The following FBXW7 variants were observed in gnomAD, a reference collection of about 807,000 sequenced individuals.
FBXW7 encodes the protein F-box/WD repeat-containing protein 7.
FBXW7 carries 11 observed loss-of-function variants against 86.3 expected under a neutral mutation model. The ratio of observed to expected loss-of-function variants is 0.13; its 90% CI spans 0.08 to 0.21. The LOEUF is 0.21. Among genes scored for constraint, FBXW7 ranks in the 10% least tolerant of loss-of-function variants. FBXW7 has a pLI of 1.00. For synonymous variants in FBXW7, 313 were observed against 297.9 expected (o/e 1.05, Z -0.52); for missense variants, 488 against 847.4 (o/e 0.58, Z 5.27).
At chr4:152,350,244 A>T (rs1258470481) in intron 4 of FBXW7, 120 bp from the exon 5 acceptor site, 5 of 480,090 alleles carry the variant, frequency 1.0e-5, no homozygotes, top group Non-Finnish European at 1.9e-5. Flanking sequence ...TTAATTAAAT[A>T]TATAAAATAA....
intron 6 of FBXW7, among the ~76,000 whole-genome samples, chr4:152,340,873 T>C (rs1271324797): frequency 6.6e-6 from 1 of 152,184 alleles, no homozygotes; most frequent in Non-Finnish European, 1.5e-5. Flanking sequence ...TTCCACAGTC[T>C]TCCTCATTTC....
chr4:152,461,116 C>T (rs756464094), intron 2 of FBXW7, among the ~76,000 whole-genome samples: 24 of 152,058 alleles, frequency 1.6e-4, no homozygotes, highest in Non-Finnish European at 4.4e-5. Context: ...GAGACCCTGT[C>T]TCTACTAAAA....
chr4:152,482,844 T>A (rs1311890796), intron 2 of FBXW7, among the ~76,000 whole-genome samples: 1 of 152,154 alleles, frequency 6.6e-6, no homozygotes. Context: ...ATTAATAGGT[T>A]AACTTAAAAG....
At chr4:152,381,314 A>C (rs1382659263) in intron 4 of FBXW7, among the ~76,000 whole-genome samples, 6 of 152,254 alleles carry the variant, frequency 3.9e-5, no homozygotes, top group African/African-American at 1.4e-4. Context: ...CAATACAATT[A>C]TGTGTCAATT....
At chr4:152,405,623 C>T (rs981443851) in intron 4 of FBXW7, among the ~76,000 whole-genome samples, 6 of 152,240 alleles carry the variant, frequency 3.9e-5, no homozygotes, top group Admixed American at 3.3e-4. Flanking sequence ...AAGGACGTGG[C>T]GTTATAGCCT....
At chr4:152,446,941 G>A (rs571605293) in intron 2 of FBXW7, among the ~76,000 whole-genome samples, 1 of 151,992 alleles carries the variant, frequency 6.6e-6, no homozygotes, top group African/African-American at 2.4e-5. Flanking sequence ...TTTTTTTCTT[G>A]GAAGTCAAGA....
intron 7 of FBXW7, among the ~76,000 whole-genome samples, chr4:152,334,391 G>A (rs190758854): frequency 6.6e-6 from 1 of 152,266 alleles, no homozygotes; most frequent in African/African-American, 2.4e-5. Flanking sequence ...CTTTGTGTCA[G>A]TATAGCAGTA....
At chr4:152,489,108 AAC>A (rs1304449205) in intron 2 of FBXW7, among the ~76,000 whole-genome samples, 3 of 152,120 alleles carry the variant, frequency 2.0e-5, no homozygotes, top group Non-Finnish European at 4.4e-5. Flanking sequence ...CACGTATAGA[AAC>A]ACAGATGCAT....
rs118158624 is a variant in FBXW7, at chr4:152,359,460, G to A, written c.502-9336C>T. 6.6e-3 allele frequency among the ~76,000 whole-genome samples: 999 copies of A among 151,976 alleles called. 34 individuals are homozygous for A. Among genetic ancestry groups the A allele is most frequent in the East Asian group, 0.029 (152 of 5,180 alleles). ...TATAAATAATGAAAAAAAATTACCT[G>A]GGCATGGTAGTGTGCACCTGTAGCC... is the stretch of plus-strand genomic sequence containing the variant. On this transcript the variant is annotated intron_variant, in intron 4 of 13. Coordinates refer to ENST00000281708, the MANE Select transcript of FBXW7 (RefSeq NM_001349798.2).
chr4:152,331,882 G>A (rs1178027826), intron 8 of FBXW7, among the ~76,000 whole-genome samples: 2 of 151,930 alleles, frequency 1.3e-5, no homozygotes, highest in Non-Finnish European at 2.9e-5. Flanking sequence ...TCAAAAGCAG[G>A]ATGACAAACC....
intron 2 of FBXW7, among the ~76,000 whole-genome samples, chr4:152,461,331 T>G (rs1742923794): frequency 6.6e-6 from 1 of 152,232 alleles, no homozygotes; most frequent in Admixed American, 6.5e-5. Context: ...CTTTTGCTTC[T>G]TCTTTACAGT....
At chr4:152,346,898 G>C (rs1183931146) in intron 6 of FBXW7, 32 bp downstream of exon 6, 5 of 1,608,592 alleles carry the variant, frequency 3.1e-6, no homozygotes, top group Admixed American at 1.7e-5. Context: ...AATTAAGTGA[G>C]GCATTTCAAG....
At chr4:152,355,070 G>C (rs1732237528) in intron 4 of FBXW7, among the ~76,000 whole-genome samples, 1 of 152,020 alleles carries the variant, frequency 6.6e-6, no homozygotes, top group Non-Finnish European at 1.5e-5. Context: ...AGTCAACTAA[G>C]CTTCTAACTG....
chr4:152,515,754 T>TC (rs1173853814), intron 2 of FBXW7, among the ~76,000 whole-genome samples: 18 of 130,638 alleles, frequency 1.4e-4, no homozygotes, highest in African/African-American at 5.6e-4. Flanking sequence ...CACAACTCTC[T>TC]TTTTTTTTTT....
At position 152,321,464 on chromosome 4, in the gene FBXW7, A is replaced by C; in HGVS notation, c.*1417T>G. On this transcript the variant is annotated 3_prime_UTR_variant, in exon 14 of 14. Coordinates refer to ENST00000281708, the MANE Select transcript of FBXW7 (RefSeq NM_001349798.2). ...AAAAAAATAAACAGAAGGAGGAAAA[A>C]AGATCGCCTAGGATACAGTGTTAAA... 1 of 233,088 alleles carries C rather than the reference A, an allele frequency of 4.3e-6. No homozygotes were observed. Among genetic ancestry groups the C allele is most frequent in the Non-Finnish European group, 8.5e-6 (1 of 117,666 alleles). The allele number at this position is 233,088 out of a possible 1,614,324, so 14.4% of individuals were successfully genotyped here. A position where few individuals can be genotyped will look rare whatever the true frequency, so the allele number is the denominator to read the frequency against.
intron 2 of FBXW7, chr4:152,530,503 A>G (rs1749934022): frequency 6.6e-6 from 1 of 152,252 alleles, no homozygotes; most frequent in Non-Finnish European, 1.5e-5. Context: ...TTATCTTTAG[A>G]TAAGAAATGC....
Position 152,411,814 on chromosome 4 carries a change from C to T in FBXW7, c.-11G>A, listed in dbSNP as rs2126883341. ...CAGTTCCTGATTCATTTCCAAAAGCCAGCTTGCTACTTCTTGGACCTTGGC... is the reference window on the plus strand; with the variant it reads ...CAGTTCCTGATTCATTTCCAAAAGCTAGCTTGCTACTTCTTGGACCTTGGC... On this transcript the variant is annotated 5_prime_UTR_variant, in exon 4 of 14. Transcript: ENST00000281708. 6.3e-7 allele frequency: 1 copy of T among 1,594,128 alleles called. No homozygotes were observed. The highest frequency in any genetic ancestry group is 1.3e-5 in the African/African-American group (1 of 74,398).
chr4:152,495,470 A>G (rs1746245003), intron 2 of FBXW7, among the ~76,000 whole-genome samples: 1 of 152,146 alleles, frequency 6.6e-6, no homozygotes, highest in South Asian at 2.1e-4. Context: ...TTTTAAATTA[A>G]TCCTTTAGCC....
At chr4:152,522,515 G>C (rs754255837) in intron 2 of FBXW7, among the ~76,000 whole-genome samples, 3 of 152,082 alleles carry the variant, frequency 2.0e-5, no homozygotes, top group Admixed American at 1.3e-4. Context: ...AACTAAGCTG[G>C]GTTTCCCAAT....
Sources: gnomAD v4.1 joint callset for allele counts (sites outside exome capture counted in the v4.1 genomes callset) on GRCh38, gnomAD v4.1.1 for gene constraint, MANE v1.5 for transcripts, NCBI Gene and HGNC (gene_info 2026-07-23, HGNC 2026-07-21) for gene names.